RPS6KC1: variants seen among roughly 807,000 people sequenced by gnomAD.
The protein encoded by RPS6KC1 is ribosomal protein S6 kinase C1.
A neutral mutation model predicts 103.8 loss-of-function variants in RPS6KC1; 54 were observed. That is an observed-to-expected ratio of 0.52 (90% CI 0.42 to 0.65). RPS6KC1 has a LOEUF of 0.65. Ranked by LOEUF, RPS6KC1 falls within the 30% of genes least tolerant of loss-of-function variation. The probability of loss-of-function intolerance (pLI) is 0.00; values close to 1 mark genes in which losing one functional copy is unlikely to be tolerated. For missense variants in RPS6KC1, 1,151 were observed against 1,253.8 expected (o/e 0.92, Z 1.24); for synonymous variants, 439 against 438.7 (o/e 1.00, Z -0.01).
chr1:213,659,167 G>T, the RPS6KC1 span, among the ~76,000 whole-genome samples: 1 of 152,026 alleles, frequency 6.6e-6, no homozygotes, highest in Non-Finnish European at 1.5e-5. Context: ...GTTTCTCCAT[G>T]TTGGCCAGGC....
the RPS6KC1 span, among the ~76,000 whole-genome samples, chr1:213,728,588 C>G: frequency 1.2e-3 from 176 of 152,260 alleles, no homozygotes; most frequent in Middle Eastern, 3.4e-3. Context: ...CTGCCCGGTA[C>G]TCTAAGAGGA....
intron 2 of RPS6KC1, 141 bp downstream of exon 2, chr1:213,071,182 T>C (rs1005638797): frequency 9.8e-5 from 50 of 510,956 alleles, no homozygotes; most frequent in Non-Finnish European, 6.6e-5. Flanking sequence ...CAGGCTGGAG[T>C]GCAGTGGCGC....
the RPS6KC1 span, among the ~76,000 whole-genome samples, chr1:213,493,791 TA>T: frequency 6.6e-6 from 1 of 152,184 alleles, no homozygotes; most frequent in Admixed American, 6.5e-5. Context: ...AAAGACCTCA[TA>T]GGGAAAGCCC....
the RPS6KC1 span, among the ~76,000 whole-genome samples, chr1:213,377,222 C>T: frequency 6.6e-6 from 1 of 152,168 alleles, no homozygotes; most frequent in Non-Finnish European, 1.5e-5. Flanking sequence ...TTCCTGAATG[C>T]GATAACCTTT....
At chr1:213,676,296 C>A in the RPS6KC1 span, among the ~76,000 whole-genome samples, 1 of 152,170 alleles carries the variant, frequency 6.6e-6, no homozygotes, top group Non-Finnish European at 1.5e-5. Flanking sequence ...ATTCTGTCTC[C>A]CAGCTAGTAG....
At chr1:213,663,149 G>C in the RPS6KC1 span, among the ~76,000 whole-genome samples, 1 of 152,208 alleles carries the variant, frequency 6.6e-6, no homozygotes, top group African/African-American at 2.4e-5. Flanking sequence ...AGGATTAAAT[G>C]TATGCAAAGT....
chr1:213,781,807 A>G, the RPS6KC1 span, among the ~76,000 whole-genome samples: 1 of 152,134 alleles, frequency 6.6e-6, no homozygotes, highest in East Asian at 1.9e-4. Context: ...ACAATTTGGC[A>G]AAGGAACTGG....
chr1:213,712,887 G>T, the RPS6KC1 span, among the ~76,000 whole-genome samples: 1 of 152,076 alleles, frequency 6.6e-6, no homozygotes, highest in African/African-American at 2.4e-5. Flanking sequence ...GTAACTCATT[G>T]GAGATGCAGA....
chr1:213,406,161 C>T, the RPS6KC1 span, among the ~76,000 whole-genome samples: 2 of 152,296 alleles, frequency 1.3e-5, no homozygotes, highest in South Asian at 4.1e-4. Context: ...TTTCCACTGG[C>T]TCCACTGTGG....
the RPS6KC1 span, among the ~76,000 whole-genome samples, chr1:213,759,142 G>C: frequency 6.6e-6 from 1 of 152,160 alleles, no homozygotes; most frequent in Non-Finnish European, 1.5e-5. Context: ...ACCCTGATCA[G>C]TCAGCAGCCA....
At chr1:213,576,098 G>A in the RPS6KC1 span, among the ~76,000 whole-genome samples, 2 of 152,072 alleles carry the variant, frequency 1.3e-5, no homozygotes, top group African/African-American at 4.8e-5. Context: ...TTGGATAGTG[G>A]CACGCATACA....
intron 8 of RPS6KC1, among the ~76,000 whole-genome samples, chr1:213,207,639 G>T (rs2093388116): frequency 6.6e-6 from 1 of 151,862 alleles, no homozygotes; most frequent in Non-Finnish European, 1.5e-5. Context: ...TGGCTCCCCT[G>T]CACATGTGCG....
chr1:213,161,795 A>C (rs2090496426), intron 6 of RPS6KC1, among the ~76,000 whole-genome samples: 1 of 152,190 alleles, frequency 6.6e-6, no homozygotes, highest in Admixed American at 6.5e-5. Context: ...AGAATAATAA[A>C]CTGCTTGTTA....
the RPS6KC1 span, among the ~76,000 whole-genome samples, chr1:213,403,089 C>G: frequency 2.0e-5 from 3 of 151,960 alleles, no homozygotes; most frequent in African/African-American, 7.3e-5. Flanking sequence ...GATTGCACCA[C>G]TGCACTCCAG....
intron 6 of RPS6KC1, among the ~76,000 whole-genome samples, chr1:213,156,870 G>A (rs372722676): frequency 6.6e-6 from 1 of 151,946 alleles, no homozygotes; most frequent in African/African-American, 2.4e-5. Flanking sequence ...TCTTTTTGAA[G>A]AATTAATTTT....
chr1:213,770,878 A>G, the RPS6KC1 span, among the ~76,000 whole-genome samples: 1 of 152,240 alleles, frequency 6.6e-6, no homozygotes, highest in Admixed American at 6.5e-5. Context: ...TCAACCAAGC[A>G]TATCTACTTT....
At chr1:213,717,494 A>G in the RPS6KC1 span, among the ~76,000 whole-genome samples, 1 of 152,246 alleles carries the variant, frequency 6.6e-6, no homozygotes, top group Non-Finnish European at 1.5e-5. Flanking sequence ...TTAGTTGGCT[A>G]AAGCGTTGAG....
At chr1:213,605,768 G>C in the RPS6KC1 span, among the ~76,000 whole-genome samples, 1 of 152,186 alleles carries the variant, frequency 6.6e-6, no homozygotes, top group Non-Finnish European at 1.5e-5. Flanking sequence ...CAAAATAGCT[G>C]AAGTGCTGGG....
Position 213,154,359 on chromosome 1 carries a change from C to G in RPS6KC1, c.836-13499C>G, listed in dbSNP as rs537186812. ...CTTCCTGGTGATGAAGTCTCCCAAT[C>G]CCTTCGTGGATATAGAAGTGCTGTC... On this transcript the variant is annotated intron_variant, in intron 6 of 14. Coordinates refer to ENST00000366960, the MANE Select transcript of RPS6KC1 (RefSeq NM_012424.6). Among the ~76,000 whole-genome samples the G allele has an allele frequency of 3.9e-5, 6 of 152,370 alleles. No individual in the cohort carries two copies. The East Asian group carries it at 1.2e-3, about 29-fold the overall frequency.
Sources: gnomAD v4.1 joint callset for allele counts (sites outside exome capture counted in the v4.1 genomes callset) on GRCh38, gnomAD v4.1.1 for gene constraint, MANE v1.5 for transcripts, NCBI Gene and HGNC (gene_info 2026-07-23, HGNC 2026-07-21) for gene names.